Variants in PBX4 observed in about 807,000 individuals in gnomAD.
PBX4 encodes the protein PBX homeobox 4.
PBX4 carries 26 observed loss-of-function variants against 35.1 expected under a neutral mutation model. That is an observed-to-expected ratio of 0.74 (90% CI 0.54 to 1.03). The LOEUF is 1.03. Ranked by LOEUF, PBX4 falls within the 50% of genes least tolerant of loss-of-function variation. The pLI, the probability that PBX4 is intolerant of heterozygous loss-of-function variation, is 0.00. For missense variants in PBX4, 448 were observed against 504.3 expected, an observed-to-expected ratio of 0.89 and a Z score of 1.07; for synonymous variants, 199 against 204.2, an observed-to-expected ratio of 0.97 and a Z score of 0.22.
intron 2 of PBX4, among the ~76,000 whole-genome samples, chr19:19,571,599 G>A (rs993710228): frequency 4.6e-5 from 7 of 152,272 alleles, no homozygotes; most frequent in African/African-American, 1.4e-4. Context: ...CAGGATTCGT[G>A]TCCTGGGACA....
chr19:19,595,976 T>TA (rs1485556071), intron 2 of PBX4, among the ~76,000 whole-genome samples: 3 of 152,148 alleles, frequency 2.0e-5, no homozygotes, highest in Non-Finnish European at 4.4e-5. Flanking sequence ...CTCATGCATG[T>TA]AATCCCAGCA....
intron 2 of PBX4, among the ~76,000 whole-genome samples, chr19:19,577,850 T>TTGTTG (rs1356832408): frequency 7.0e-6 from 1 of 143,608 alleles, no homozygotes; most frequent in Non-Finnish European, 1.5e-5. Context: ...AAAGGGAGAC[T>TTGTTG]CCATCTAAAA....
In PBX4 at chr19:19,563,603, G is replaced by A; in HGVS notation, c.938C>T (p.Pro313Leu). The change falls in exon 7 of 8, where the codon CCC (proline) becomes CTC (leucine). Residue 313 changes from proline to leucine, a missense_variant. Physicochemically the swap from Pro to Leu is moderately conservative, Grantham distance 98. Transcript: ENST00000251203. This position sits in a 1 kb window ranked among gnomAD's most constrained non-coding sequence, Gnocchi z 5.1. ...GTCCCCAGCGCTGGGCAGCGGGAAG[G>A]GTCCAGAGGAGCCTGGAAGAGATGG... Reference protein sequence around the residue: ...LSTPSSGSSGPFPLPSAGDAF... With the variant: ...LSTPSSGSSGLFPLPSAGDAF... 1.3e-6 allele frequency: 2 copies of A among 1,549,680 alleles called. No individual in the cohort carries two copies. The highest frequency in any genetic ancestry group is 1.7e-6 in the Non-Finnish European group (2 of 1,146,876).
At chr19:19,564,553 A>T (rs953607184) in intron 6 of PBX4, among the ~76,000 whole-genome samples, 1 of 151,912 alleles carries the variant, frequency 6.6e-6, no homozygotes, top group South Asian at 2.1e-4. Flanking sequence ...CACCCAGCCC[A>T]TGCCGGGCTA....
At chr19:19,564,730 A>G in intron 6 of PBX4, 1 of 648,152 alleles carries the variant, frequency 1.5e-6, no homozygotes, top group South Asian at 2.1e-5. Context: ...TAGTATCGCC[A>G]TTCTGTCCCC....
chr19:19,570,684 C>A lies in PBX4; in HGVS notation c.343G>T (p.Gly115Cys). Residue 115 changes from glycine to cysteine, a missense_variant, in exon 3 of 8, where the codon GGC becomes TGC. Coordinates refer to ENST00000251203, the MANE Select transcript of PBX4 (RefSeq NM_025245.3). ...TCAATGCTATTGTCATTTGGACAGC[C>A]ACCTGGTGTTGCTGTGCCGGCCCTG... is the stretch of plus-strand genomic sequence containing the variant. ...VARAGTATPG[G>C]CPNDNSIEHS... The A allele has an allele frequency of 6.2e-7, 1 of 1,614,186 alleles. No homozygotes were observed. Among genetic ancestry groups the A allele is most frequent in the South Asian group, 1.1e-5 (1 of 91,082 alleles).
Position 19,570,683 on chromosome 19 carries a change from C to T in PBX4, c.344G>A (p.Gly115Asp). 4 of 1,614,152 alleles carry T rather than the reference C, an allele frequency of 2.5e-6. No homozygotes were observed. The highest frequency in any genetic ancestry group is 3.4e-6 in the Non-Finnish European group (4 of 1,180,014). The change falls in exon 3 of 8, where the codon GGC (glycine) becomes GAC (aspartate). Residue 115 changes from glycine (G) to aspartate (D), a missense_variant. Coordinates refer to ENST00000251203, the MANE Select transcript of PBX4 (RefSeq NM_025245.3). Reference sequence around the variant, plus strand: ...CTCAATGCTATTGTCATTTGGACAGCCACCTGGTGTTGCTGTGCCGGCCCT... The same window carrying T: ...CTCAATGCTATTGTCATTTGGACAGTCACCTGGTGTTGCTGTGCCGGCCCT... ...VARAGTATPG[G>D]CPNDNSIEHS...
chr19:19,572,854 CAAAAAAAA>C (rs36044843), intron 2 of PBX4, among the ~76,000 whole-genome samples: 1 of 70,094 alleles, frequency 1.4e-5, no homozygotes, highest in Admixed American at 1.6e-4. Context: ...GACTCCGTCT[CAAAAAAAA>C]AAAAAAAAAA....
chr19:19,568,439 T>A (rs1600396002), intron 5 of PBX4, among the ~76,000 whole-genome samples: 1 of 145,138 alleles, frequency 6.9e-6, no homozygotes, highest in Non-Finnish European at 1.5e-5. Flanking sequence ...TCCATCTGTA[T>A]CCCTCAGGGA....
At position 19,572,918 on chromosome 19, in the gene PBX4, C is replaced by T. The variant is rs1005655750; in HGVS notation, c.194-2085G>A. ...ACTTAGTGCTAGTTTATTAAGCACA[C>T]ATGCAACAAATTTTATAAACCAGGA... On this transcript the variant is annotated intron_variant, in intron 2 of 7. Coordinates refer to ENST00000251203, the MANE Select transcript of PBX4 (RefSeq NM_025245.3). Among the ~76,000 whole-genome samples, 8 of 136,890 alleles carry T rather than the reference C, an allele frequency of 5.8e-5. No homozygotes were observed. In the South Asian group the frequency reaches 9.2e-4, roughly 16 times the overall value. 89.8% of individuals were successfully genotyped at this position (136,890 alleles called of 152,430 possible).
rs1325790268 is a variant in PBX4 at position 19,599,361 on chromosome 19, GCTTT to G, written c.120_123del (p.Arg40SerfsTer4). On this transcript the variant is annotated frameshift_variant and splice_region_variant, in exon 2 of 8. Coordinates refer to ENST00000251203, the MANE Select transcript of PBX4 (RefSeq NM_025245.3). LOFTEE classifies it high-confidence loss of function. ...TTCATCCGATGGCAATTCAGAGCATGCTTTCTGAAAGGGAGGTGACAGAGGAGGG... is the reference window on the plus strand; with the variant it reads ...TTCATCCGATGGCAATTCAGAGCATGCTGAAAGGGAGGTGACAGAGGAGGG... 1 of 1,612,974 alleles carries G rather than the reference GCTTT, an allele frequency of 6.2e-7. No homozygotes were observed. The highest frequency in any genetic ancestry group is 1.1e-5 in the South Asian group (1 of 91,052).
chr19:19,599,253 C>G (rs2061580882), intron 2 of PBX4, 39 bp downstream of exon 2: 1 of 1,557,108 alleles, frequency 6.4e-7, no homozygotes, highest in African/African-American at 1.4e-5. Context: ...AGGCATGAGC[C>G]ACCACGCTCG....
At chr19:19,597,116 G>A (rs933475924) in intron 2 of PBX4, among the ~76,000 whole-genome samples, 8 of 152,120 alleles carry the variant, frequency 5.3e-5, no homozygotes, top group African/African-American at 1.9e-4. Context: ...CAGAGGCTGA[G>A]GCAGGAGAAT....
chr19:19,575,448 CGTAATAA>C (rs1440243692), intron 2 of PBX4, among the ~76,000 whole-genome samples: 4 of 152,046 alleles, frequency 2.6e-5, no homozygotes, highest in African/African-American at 9.7e-5. Flanking sequence ...GCCTATTCCT[CGTAATAA>C]CCCTCCCCTC....
At chr19:19,589,685 G>A (rs1486547045) in intron 2 of PBX4, among the ~76,000 whole-genome samples, 1 of 151,568 alleles carries the variant, frequency 6.6e-6, no homozygotes. Flanking sequence ...CAGGAGACCC[G>A]CTTGAACCCG....
intron 2 of PBX4, among the ~76,000 whole-genome samples, chr19:19,586,820 A>G (rs145499426): frequency 0.015 from 2,247 of 151,794 alleles, 79 homozygotes; most frequent in South Asian, 0.076. Context: ...AGTCCCAGCT[A>G]CTCAGGAGGC....
chr19:19,591,006 G>T (rs2061524869), intron 2 of PBX4, among the ~76,000 whole-genome samples: 1 of 152,098 alleles, frequency 6.6e-6, no homozygotes, highest in Non-Finnish European at 1.5e-5. Flanking sequence ...TAATTCAAAT[G>T]TAAACAGCCC....
At chr19:19,598,512 G>C (rs1203511552) in intron 2 of PBX4, among the ~76,000 whole-genome samples, 1 of 151,892 alleles carries the variant, frequency 6.6e-6, no homozygotes, top group Non-Finnish European at 1.5e-5. Flanking sequence ...TGGCCAGGCT[G>C]GTCTTGAACA....
At chr19:19,572,336 G>A (rs1369024399) in intron 2 of PBX4, among the ~76,000 whole-genome samples, 1 of 151,594 alleles carries the variant, frequency 6.6e-6, no homozygotes, top group Non-Finnish European at 1.5e-5. Context: ...GCCTCTTAAA[G>A]TGCTGGGATT....
Sources: gnomAD v4.1 joint callset for allele counts (sites outside exome capture counted in the v4.1 genomes callset) on GRCh38, gnomAD v4.1.1 for gene constraint, Gnocchi (gnomAD v3.1) non-coding constraint, MANE v1.5 for transcripts, NCBI Gene and HGNC (gene_info 2026-07-23, HGNC 2026-07-21) for gene names.